The following SLC44A5 variants were observed in gnomAD, a reference collection of about 807,000 sequenced individuals.
SLC44A5 encodes the protein choline transporter-like protein 5.
Under a neutral mutation model 101.8 loss-of-function variants are expected in SLC44A5, and 57 were observed. The ratio of observed to expected loss-of-function variants is 0.56; its 90% CI spans 0.45 to 0.70. The LOEUF is 0.70. SLC44A5 is among the 30% of genes least tolerant of loss of function. The probability of loss-of-function intolerance (pLI) is 0.00; values close to 1 mark genes in which losing one functional copy is unlikely to be tolerated. For missense variants in SLC44A5, 737 were observed against 853.1 expected, an observed-to-expected ratio of 0.86 and a Z score of 1.70; for synonymous variants, 281 against 290.9, an observed-to-expected ratio of 0.97 and a Z score of 0.35.
the SLC44A5 span, among the ~76,000 whole-genome samples, chr1:75,679,906 G>A: frequency 6.6e-6 from 1 of 152,126 alleles, no homozygotes; most frequent in Non-Finnish European, 1.5e-5. Flanking sequence ...CAAAATAAAA[G>A]GATGGAGGAA....
intron 5 of SLC44A5, among the ~76,000 whole-genome samples, chr1:75,281,372 T>C (rs1652535806): frequency 6.6e-6 from 1 of 152,058 alleles, no homozygotes; most frequent in Non-Finnish European, 1.5e-5. Flanking sequence ...AAGAAATTTC[T>C]AAGCAGCAAA....
chr1:75,623,327 A>G, the SLC44A5 span, among the ~76,000 whole-genome samples: 1 of 152,118 alleles, frequency 6.6e-6, no homozygotes, highest in Non-Finnish European at 1.5e-5. Flanking sequence ...GAAATGAATG[A>G]CAGAAATGAA....
chr1:75,692,354 C>T, the SLC44A5 span, among the ~76,000 whole-genome samples: 1 of 151,852 alleles, frequency 6.6e-6, no homozygotes, highest in Non-Finnish European at 1.5e-5. Flanking sequence ...CCAACATGCC[C>T]AGCTAATTTT....
intron 5 of SLC44A5, among the ~76,000 whole-genome samples, chr1:75,286,633 G>A (rs926875109): frequency 1.3e-5 from 2 of 152,102 alleles, no homozygotes; most frequent in African/African-American, 4.8e-5. Context: ...TCAAGATTTA[G>A]AGCTCCTTTG....
intron 2 of SLC44A5, among the ~76,000 whole-genome samples, chr1:75,478,473 C>T (rs538807535): frequency 2.6e-5 from 4 of 152,242 alleles, no homozygotes; most frequent in African/African-American, 9.6e-5. Context: ...GATAAAGAGT[C>T]AAGACCCATC....
chr1:75,330,966 CTTTTT>C (rs71071941), intron 4 of SLC44A5, among the ~76,000 whole-genome samples: 1 of 136,082 alleles, frequency 7.3e-6, no homozygotes, highest in South Asian at 2.3e-4. Flanking sequence ...AACTTTCTCT[CTTTTT>C]TTTTTTTTTT....
intron 2 of SLC44A5, among the ~76,000 whole-genome samples, chr1:75,490,453 T>C (rs1404277852): frequency 6.6e-6 from 1 of 152,212 alleles, no homozygotes; most frequent in Non-Finnish European, 1.5e-5. Flanking sequence ...ACAATAGCTT[T>C]TTTAATTAAT....
intron 2 of SLC44A5, among the ~76,000 whole-genome samples, chr1:75,448,989 C>T (rs1391592376): frequency 6.6e-6 from 1 of 152,118 alleles, no homozygotes; most frequent in Non-Finnish European, 1.5e-5. Flanking sequence ...ACAGCATGCT[C>T]TCTCCCACCA....
chr1:75,252,035 A>T (rs1280208426), intron 6 of SLC44A5, among the ~76,000 whole-genome samples: 1 of 152,174 alleles, frequency 6.6e-6, no homozygotes, highest in Admixed American at 6.5e-5. Flanking sequence ...GACTTAAGAC[A>T]AGTGGTTGCC....
chr1:75,711,312 C>T, the SLC44A5 span, among the ~76,000 whole-genome samples: 1 of 152,184 alleles, frequency 6.6e-6, no homozygotes, highest in Non-Finnish European at 1.5e-5. Context: ...GATATAAAGA[C>T]AACAGCCAGT....
the SLC44A5 span, chr1:75,720,515 G>A: frequency 1.3e-5 from 2 of 152,136 alleles, no homozygotes; most frequent in African/African-American, 2.4e-5. Flanking sequence ...AAGATTGTTT[G>A]GCATGATGCC....
chr1:75,204,825 G>T (rs1646722874), intron 23 of SLC44A5: 1 of 152,044 alleles, frequency 6.6e-6, no homozygotes, highest in South Asian at 2.1e-4. Flanking sequence ...ATCAACTAGA[G>T]AACTTTATAA....
intron 5 of SLC44A5, among the ~76,000 whole-genome samples, chr1:75,280,901 A>G (rs1001451945): frequency 4.6e-5 from 7 of 151,706 alleles, no homozygotes; most frequent in African/African-American, 1.7e-4. Flanking sequence ...TAAATTACAC[A>G]GTCTCAGGTG....
At chr1:75,722,990 G>A in the SLC44A5 span, among the ~76,000 whole-genome samples, 1 of 152,350 alleles carries the variant, frequency 6.6e-6, no homozygotes, top group African/African-American at 2.4e-5. Context: ...GCCATAGCCT[G>A]TTTTCTTCCT....
At chr1:75,276,748 A>C (rs1570545665) in intron 5 of SLC44A5, among the ~76,000 whole-genome samples, 1 of 152,184 alleles carries the variant, frequency 6.6e-6, no homozygotes, top group Non-Finnish European at 1.5e-5. Flanking sequence ...CAGGTGGTTT[A>C]TCTGGGAGGT....
the SLC44A5 span, among the ~76,000 whole-genome samples, chr1:75,712,789 A>G: frequency 2.0e-5 from 3 of 152,002 alleles, no homozygotes; most frequent in Admixed American, 2.0e-4. Flanking sequence ...TTACAATTCA[A>G]TCATCTTTTT....
At chr1:75,668,617 C>T in the SLC44A5 span, among the ~76,000 whole-genome samples, 5 of 151,226 alleles carry the variant, frequency 3.3e-5, no homozygotes, top group South Asian at 2.1e-4. Context: ...CCACCACACC[C>T]GGCCCTGGGA....
At chr1:75,481,925 T>C (rs1419908853) in intron 2 of SLC44A5, among the ~76,000 whole-genome samples, 3 of 152,188 alleles carry the variant, frequency 2.0e-5, no homozygotes, top group African/African-American at 7.2e-5. Context: ...ACTGGGTATA[T>C]ACCCAAAGGA....
At chr1:75,332,430 G>A (rs1657122585) in intron 4 of SLC44A5, among the ~76,000 whole-genome samples, 1 of 152,010 alleles carries the variant, frequency 6.6e-6, no homozygotes, top group African/African-American at 2.4e-5. Flanking sequence ...AGGCATATAG[G>A]TATATAAGTA....
Sources: allele counts gnomAD v4.1 joint callset (sites outside exome capture counted in the v4.1 genomes callset), GRCh38; gene constraint gnomAD v4.1.1; transcripts MANE v1.5; gene names NCBI Gene and HGNC (gene_info 2026-07-23, HGNC 2026-07-21).